The following IL2RB variants were observed in gnomAD, a reference collection of about 807,000 sequenced individuals.
IL2RB encodes the protein interleukin 2 receptor subunit beta, also known as interleukin-2 receptor subunit beta.
IL2RB carries 17 observed loss-of-function variants against 44.2 expected under a neutral mutation model. That is an observed-to-expected ratio of 0.38 (90% CI 0.26 to 0.58). IL2RB has a LOEUF of 0.58. Ranked by LOEUF, IL2RB falls within the 20% of genes least tolerant of loss-of-function variation. IL2RB has a pLI of 0.63. For synonymous variants in IL2RB, 286 were observed against 297.9 expected, an observed-to-expected ratio of 0.96 and a Z score of 0.41; for missense variants, 624 against 685.5, an observed-to-expected ratio of 0.91 and a Z score of 1.00.
chr22:37,170,644 T>C (rs538421907), intron 1 of IL2RB, among the ~76,000 whole-genome samples: 2 of 152,082 alleles, frequency 1.3e-5, no homozygotes, highest in Non-Finnish European at 2.9e-5. Context: ...GGTGCCACAT[T>C]TGGGGTTCTC....
At position 37,128,655 on chromosome 22, in the gene IL2RB, A is replaced by G; in HGVS notation, c.1097T>C (p.Phe366Ser). 3.1e-6 allele frequency: 5 copies of G among 1,614,140 alleles called. No homozygotes were observed. The highest frequency in any genetic ancestry group is 4.2e-6 in the Non-Finnish European group (5 of 1,179,992). The change falls in exon 10 of 10, where the codon TTC becomes TCC. Residue 366 changes from phenylalanine to serine, a missense_variant. By Grantham distance (155) the Phe-to-Ser change is radical. Transcript: ENST00000216223. This position sits in a 1 kb window ranked among gnomAD's most constrained non-coding sequence, Gnocchi z 4.5. Reference sequence around the variant, plus strand: ...CTCCAAGGCATCCGGGAGGTGGAAGAAGAAGTAACCCTGGTTGGTGAAGCA... The same window carrying G: ...CTCCAAGGCATCCGGGAGGTGGAAGGAGAAGTAACCCTGGTTGGTGAAGCA... ...TSCFTNQGYF[F>S]FHLPDALEIE... is the part of the protein sequence containing the mutation.
rs1431763146 is a variant in IL2RB, at chr22:37,141,244, A to G, written c.282+1190T>C. 2.0e-5 allele frequency among the ~76,000 whole-genome samples: 3 copies of G among 151,154 alleles called. No individual in the cohort carries two copies. Among genetic ancestry groups the G allele is most frequent in the Admixed American group, 1.3e-4 (2 of 15,220 alleles). On this transcript the variant is annotated intron_variant, in intron 4 of 9. Transcript: ENST00000216223. The surrounding 1 kb of genome is among the most constrained non-coding windows in gnomAD (Gnocchi z 4.4). ...TCTCAGGGGCCCTGGTCCAAACCCA[A>G]GCCTCCAGGTGATCTTGCAAGCAGG...
intron 1 of IL2RB, among the ~76,000 whole-genome samples, chr22:37,158,423 G>C (rs542006907): frequency 6.6e-6 from 1 of 152,150 alleles, no homozygotes; most frequent in South Asian, 2.1e-4. Context: ...CGGGCGTGGT[G>C]GTGGGCACCC....
At chr22:37,159,965 C>A (rs555484526) in intron 1 of IL2RB, among the ~76,000 whole-genome samples, 1 of 152,260 alleles carries the variant, frequency 6.6e-6, no homozygotes, top group South Asian at 2.1e-4. Flanking sequence ...AAACATGATT[C>A]TCTTGATATC....
Position 37,141,240 on chromosome 22 carries a change from C to A in IL2RB, c.282+1194G>T, listed in dbSNP as rs1024988774. Among the ~76,000 whole-genome samples, 15 of 152,094 alleles carry A rather than the reference C, an allele frequency of 9.9e-5. No individual in the cohort carries two copies. Among genetic ancestry groups the A allele is most frequent in the Non-Finnish European group, 2.9e-5 (2 of 67,972 alleles). On this transcript the variant is annotated intron_variant, in intron 4 of 9. Coordinates refer to ENST00000216223, the MANE Select transcript of IL2RB (RefSeq NM_000878.5). The surrounding 1 kb of genome is among the most constrained non-coding windows in gnomAD (Gnocchi z 4.4). ...GCACTCTCAGGGGCCCTGGTCCAAA[C>A]CCAAGCCTCCAGGTGATCTTGCAAG... is the stretch of plus-strand genomic sequence containing the variant.
At chr22:37,144,925 T>C (rs892398594) in intron 1 of IL2RB, among the ~76,000 whole-genome samples, 11 of 152,174 alleles carry the variant, frequency 7.2e-5, no homozygotes, top group East Asian at 3.8e-4. Context: ...CATTGCTAGG[T>C]CCACAATTCC....
chr22:37,133,678 A>G (rs573315449), intron 8 of IL2RB, among the ~76,000 whole-genome samples: 17 of 152,308 alleles, frequency 1.1e-4, no homozygotes, highest in African/African-American at 4.1e-4. Flanking sequence ...AGCCAGGGCT[A>G]CAGAGGGCGA....
intron 9 of IL2RB, among the ~76,000 whole-genome samples, chr22:37,131,688 G>A (rs1323857228): frequency 5.3e-5 from 8 of 152,148 alleles, no homozygotes; most frequent in African/African-American, 1.9e-4. Context: ...AGCTTGTGCT[G>A]GCAGGTCCTG....
intron 1 of IL2RB, among the ~76,000 whole-genome samples, chr22:37,157,836 C>T (rs777190947): frequency 1.1e-4 from 16 of 151,904 alleles, no homozygotes; most frequent in African/African-American, 2.7e-4. Context: ...ACCTGACATA[C>T]GGACAGTGTC....
At chr22:37,139,826 C>T (rs913627006) in intron 4 of IL2RB, among the ~76,000 whole-genome samples, 8 of 152,242 alleles carry the variant, frequency 5.3e-5, no homozygotes, top group Non-Finnish European at 1.2e-4. Context: ...GCATCCATCC[C>T]ATGGTATGGG....
At chr22:37,148,125 G>A (rs1310901236) in intron 1 of IL2RB, among the ~76,000 whole-genome samples, 1 of 152,252 alleles carries the variant, frequency 6.6e-6, no homozygotes, top group African/African-American at 2.4e-5. Context: ...GCCCAGCCTA[G>A]AGGCAGCCGG....
rs1239094157 is a variant in IL2RB, at chr22:37,136,283, C to T, written c.648G>A (p.Glu216=). 6.2e-7 allele frequency: 1 copy of T among 1,613,098 alleles called. No individual in the cohort carries two copies. Among genetic ancestry groups the T allele is most frequent in the South Asian group, 1.1e-5 (1 of 90,884 alleles). The change falls in exon 7 of 10, where the codon GAG becomes GAA. Residue 216 remains glutamate (E), a synonymous_variant. Coordinates refer to ENST00000216223, the MANE Select transcript of IL2RB (RefSeq NM_000878.5). ...GGCTCCAGGGGCTCCAGGTCGTGAA[C>T]TCGCCTTGCAGAGGCTTGACCCGCA... ...FQVRVKPLQG[E]FTTWSPWSQP...
chr22:37,139,323 T>C, intron 4 of IL2RB, 101 bp from the exon 5 acceptor site: 2 of 741,540 alleles, frequency 2.7e-6, no homozygotes, highest in Non-Finnish European at 4.7e-6. Context: ...CCTCTCCACA[T>C]GCCCCGCCAC....
At chr22:37,160,813 G>A (rs994321251) in intron 1 of IL2RB, among the ~76,000 whole-genome samples, 3 of 151,864 alleles carry the variant, frequency 2.0e-5, no homozygotes, top group South Asian at 2.1e-4. Context: ...GTGACAGAGC[G>A]AGACTGGGTG....
At chr22:37,140,503 T>C (rs1428424516) in intron 4 of IL2RB, among the ~76,000 whole-genome samples, 1 of 152,026 alleles carries the variant, frequency 6.6e-6, no homozygotes, top group African/African-American at 2.4e-5. Context: ...CAGAGAGCCT[T>C]AGGGACTTGC....
intron 9 of IL2RB, among the ~76,000 whole-genome samples, chr22:37,129,385 G>T (rs1471034695): frequency 2.6e-5 from 4 of 152,168 alleles, no homozygotes; most frequent in Non-Finnish European, 5.9e-5. Flanking sequence ...CTTACACTGT[G>T]GTGGGAACGT....
At chr22:37,148,513 G>A (rs1922338259) in intron 1 of IL2RB, among the ~76,000 whole-genome samples, 1 of 152,164 alleles carries the variant, frequency 6.6e-6, no homozygotes, top group South Asian at 2.1e-4. Flanking sequence ...CCACAGCCCT[G>A]CAAGGTGGGT....
chr22:37,136,116 G>A (rs922366149), intron 7 of IL2RB, 112 bp downstream of exon 7: 4 of 1,163,954 alleles, frequency 3.4e-6, no homozygotes, highest in Middle Eastern at 2.9e-4. Context: ...GCAAGTGAGG[G>A]ATGGAGCTGA....
In IL2RB at chr22:37,128,468, C is replaced by G; in HGVS notation, c.1284G>C (p.Leu428=). ...CACCGAGGAGACTGGGGGAGAAGAG[C>G]AGCAGGTCATCCCTGGAGGGGAAGG... is the stretch of plus-strand genomic sequence containing the variant. ...YCTFPSRDDL[L]LFSPSLLGGP... is the part of the protein sequence containing the mutation. The change falls in exon 10 of 10, where the codon CTG becomes CTC. Residue 428 remains leucine (L), a synonymous_variant. Coordinates refer to ENST00000216223, the MANE Select transcript of IL2RB (RefSeq NM_000878.5). The surrounding 1 kb of genome is among the most constrained non-coding windows in gnomAD (Gnocchi z 4.5). The G allele has an allele frequency of 1.3e-6, 2 of 1,582,172 alleles. No homozygotes were observed. The highest frequency in any genetic ancestry group is 1.7e-6 in the Non-Finnish European group (2 of 1,160,810).
Sources: gnomAD v4.1 joint callset for allele counts (sites outside exome capture counted in the v4.1 genomes callset) on GRCh38, gnomAD v4.1.1 for gene constraint, Gnocchi (gnomAD v3.1) non-coding constraint, MANE v1.5 for transcripts, NCBI Gene and HGNC (gene_info 2026-07-23, HGNC 2026-07-21) for gene names.